CDH8: variants seen among roughly 807,000 people sequenced by gnomAD.
The protein encoded by CDH8 is cadherin-8.
CDH8 carries 17 observed loss-of-function variants against 68.1 expected under a neutral mutation model. That is an observed-to-expected ratio of 0.25 (90% CI 0.17 to 0.37). The LOEUF is 0.37. Among genes scored for constraint, CDH8 ranks in the 10% least tolerant of loss-of-function variants. The pLI, the probability that CDH8 is intolerant of heterozygous loss-of-function variation, is 1.00. For missense variants in CDH8, 763 were observed against 999.3 expected, an observed-to-expected ratio of 0.76 and a Z score of 3.19; for synonymous variants, 372 against 365.1, an observed-to-expected ratio of 1.02 and a Z score of -0.21.
At chr16:62,001,369 A>T (rs1965892283) in intron 2 of CDH8, among the ~76,000 whole-genome samples, 1 of 152,170 alleles carries the variant, frequency 6.6e-6, no homozygotes, top group African/African-American at 2.4e-5. Flanking sequence ...AGAATAATTT[A>T]AGCCCTAAAA....
chr16:61,667,497 T>C (rs1466713076), intron 10 of CDH8: 1 of 152,036 alleles, frequency 6.6e-6, no homozygotes, highest in Non-Finnish European at 1.5e-5. Context: ...TGCATGATTG[T>C]CATTTTGGAG....
At chr16:61,796,484 G>A (rs531466568) in intron 7 of CDH8, among the ~76,000 whole-genome samples, 1 of 151,938 alleles carries the variant, frequency 6.6e-6, no homozygotes, top group Non-Finnish European at 1.5e-5. Flanking sequence ...GAGAAAATGG[G>A]CTCCTTGGGT....
chr16:61,733,312 C>A (rs1959585872), intron 8 of CDH8, among the ~76,000 whole-genome samples: 1 of 151,706 alleles, frequency 6.6e-6, no homozygotes, highest in South Asian at 2.1e-4. Flanking sequence ...TGTTTGTATA[C>A]AAATACATTT....
intron 8 of CDH8, among the ~76,000 whole-genome samples, chr16:61,747,334 T>A (rs1288293133): frequency 6.6e-6 from 1 of 152,096 alleles, no homozygotes; most frequent in Non-Finnish European, 1.5e-5. Flanking sequence ...TATAATGACA[T>A]TATCCTGCTC....
intron 2 of CDH8, among the ~76,000 whole-genome samples, chr16:61,961,637 C>A (rs1313989079): frequency 6.6e-6 from 1 of 152,152 alleles, no homozygotes; most frequent in East Asian, 1.9e-4. Context: ...CCTAACCCAG[C>A]CTAATAAATA....
chr16:61,876,042 A>G (rs1963452687), intron 3 of CDH8, among the ~76,000 whole-genome samples: 1 of 151,900 alleles, frequency 6.6e-6, no homozygotes, highest in Non-Finnish European at 1.5e-5. Flanking sequence ...ACACCTGGCT[A>G]ATTTTTGTAT....
At chr16:61,705,914 A>G (rs1052793918) in intron 10 of CDH8, among the ~76,000 whole-genome samples, 21 of 152,258 alleles carry the variant, frequency 1.4e-4, no homozygotes, top group African/African-American at 4.8e-4. Context: ...AGTCCTGAGG[A>G]AAACAAAAAT....
At chr16:61,714,144 G>A in intron 9 of CDH8, 186 bp from the exon 10 acceptor site, 2 of 564,024 alleles carry the variant, frequency 3.5e-6, no homozygotes, top group Non-Finnish European at 6.2e-6. Context: ...TAAAACCTCA[G>A]CTTTGATAAG....
At chr16:61,669,825 T>A (rs1161038264) in intron 10 of CDH8, among the ~76,000 whole-genome samples, 1 of 152,016 alleles carries the variant, frequency 6.6e-6, no homozygotes, top group African/African-American at 2.4e-5. Context: ...AGAACAGCAG[T>A]CCTTCATCTC....
chr16:61,695,920 T>C (rs960097452), intron 10 of CDH8, among the ~76,000 whole-genome samples: 2 of 152,122 alleles, frequency 1.3e-5, no homozygotes, highest in African/African-American at 4.8e-5. Flanking sequence ...TTTTGATCTA[T>C]CTGTAGGGAA....
At chr16:61,667,121 C>T (rs1963694724) in intron 10 of CDH8, 1 of 151,930 alleles carries the variant, frequency 6.6e-6, no homozygotes, top group South Asian at 2.1e-4. Flanking sequence ...TATTCTAAGC[C>T]ACCTAATTAG....
At chr16:61,856,656 GAATGATTAC>G (rs1334919880) in intron 4 of CDH8, among the ~76,000 whole-genome samples, 1 of 152,120 alleles carries the variant, frequency 6.6e-6, no homozygotes, top group Non-Finnish European at 1.5e-5. Flanking sequence ...AAAGTGCACT[GAATGATTAC>G]CACATGACGT....
rs1358051019 is a variant in CDH8, at chr16:61,795,931, T to C, written c.1278-6449A>G. 2.0e-5 allele frequency among the ~76,000 whole-genome samples: 3 copies of C among 152,176 alleles called. No individual in the cohort carries two copies. In the East Asian group the frequency reaches 5.8e-4, roughly 29 times the overall value. Reference sequence around the variant, plus strand: ...GCCCTAGAGTTTGCTGATTGACCCTTTTTTAAGAATTTTCTCTCCTATTTC... The same window carrying C: ...GCCCTAGAGTTTGCTGATTGACCCTCTTTTAAGAATTTTCTCTCCTATTTC... On this transcript the variant is annotated intron_variant, in intron 7 of 11. Coordinates refer to ENST00000577390, the MANE Select transcript of CDH8 (RefSeq NM_001796.5).
chr16:61,661,247 C>T (rs566052715), intron 10 of CDH8, among the ~76,000 whole-genome samples: 2 of 151,920 alleles, frequency 1.3e-5, no homozygotes, highest in African/African-American at 4.8e-5. Context: ...AAAAACAATA[C>T]AAACTATACC....
rs190459936 is a variant in CDH8 at position 61,670,855 on chromosome 16, G to A, written c.1655-15134C>T. 5.3e-5 allele frequency among the ~76,000 whole-genome samples: 8 copies of A among 152,098 alleles called. 1 individual carries two copies. The highest frequency in any genetic ancestry group is 4.8e-5 in the African/African-American group (2 of 41,520). ...CAAAGAGATAATTCACATCCCCAGC[G>A]AGATGGAGCAAGGCTGCATGAGATT... On this transcript the variant is annotated intron_variant, in intron 10 of 11. Coordinates refer to ENST00000577390, the MANE Select transcript of CDH8 (RefSeq NM_001796.5).
rs547171531 is a variant in CDH8 at position 62,012,598 on chromosome 16, T to C, written c.252+8554A>G. 2.0e-5 allele frequency among the ~76,000 whole-genome samples: 3 copies of C among 152,290 alleles called. No homozygotes were observed. In the East Asian group the frequency reaches 5.8e-4, roughly 29 times the overall value. On this transcript the variant is annotated intron_variant, in intron 2 of 11. Transcript: ENST00000577390. The stretch of plus-strand genomic sequence containing the variant: ...GTTAAGATAATTGAAAAATATATTA[T>C]TTTTTCTCATTTTATTAAGTTTTAC...
chr16:61,935,933 G>A (rs1407105348), intron 2 of CDH8, among the ~76,000 whole-genome samples: 1 of 152,104 alleles, frequency 6.6e-6, no homozygotes, highest in African/African-American at 2.4e-5. Context: ...AAGAAAGTAA[G>A]AGAGTAGGCA....
chr16:61,648,048 A>G lies in CDH8; in HGVS notation c.*5560T>C. The G allele has an allele frequency of 1.8e-6, 1 of 548,866 alleles. No homozygotes were observed. The highest frequency in any genetic ancestry group is 3.2e-6 in the Non-Finnish European group (1 of 309,576). 34.0% of individuals were successfully genotyped at this position (548,866 alleles called of 1,614,324 possible). On this transcript the variant is annotated 3_prime_UTR_variant, in exon 12 of 12. Coordinates refer to ENST00000577390, the MANE Select transcript of CDH8 (RefSeq NM_001796.5). ...CACCAGCAAATGCCTACTAACCTTG[A>G]GACCTAGATGAAACTTCCACACATA...
At chr16:61,874,990 TGA>T (rs1963435568) in intron 3 of CDH8, among the ~76,000 whole-genome samples, 1 of 152,148 alleles carries the variant, frequency 6.6e-6, no homozygotes, top group South Asian at 2.1e-4. Context: ...AAACTTACCA[TGA>T]CAGAGCTTCT....
Sources: gnomAD v4.1 joint callset for allele counts (sites outside exome capture counted in the v4.1 genomes callset) on GRCh38, gnomAD v4.1.1 for gene constraint, MANE v1.5 for transcripts, NCBI Gene and HGNC (gene_info 2026-07-23, HGNC 2026-07-21) for gene names.